MAMDC2: variants seen among roughly 807,000 people sequenced by gnomAD.
MAMDC2 encodes MAM domain containing 2.
A neutral mutation model predicts 89.8 loss-of-function variants in MAMDC2; 57 were observed. The ratio of observed to expected loss-of-function variants is 0.63; its 90% CI spans 0.51 to 0.79. The LOEUF is 0.79. Ranked by LOEUF, MAMDC2 falls within the 30% of genes least tolerant of loss-of-function variation. The pLI is 0.00. For synonymous variants in MAMDC2, 313 were observed against 293.4 expected (o/e 1.07, Z -0.68); for missense variants, 800 against 820.6 (o/e 0.97, Z 0.31).
intron 2 of MAMDC2, among the ~76,000 whole-genome samples, chr9:70,099,694 G>A (rs1385954392): frequency 6.6e-6 from 1 of 152,118 alleles, no homozygotes; most frequent in Non-Finnish European, 1.5e-5. Context: ...GGTAGGGCAG[G>A]CCAGGCGCGG....
rs144651814 is a variant in MAMDC2 at position 70,224,901 on chromosome 9, T to C, written c.1912-849T>C. ...ATTTCAAGATAACTTTATAAACATA[T>C]TATTTAATTTATATTCTTTAATTTT... On this transcript the variant is annotated intron_variant, in intron 12 of 13. Transcript: ENST00000377182. Among the ~76,000 whole-genome samples, 15 of 152,326 alleles carry C rather than the reference T, an allele frequency of 9.8e-5. No individual in the cohort carries two copies. The East Asian group carries it at 2.9e-3, about 29-fold the overall frequency.
intron 5 of MAMDC2, among the ~76,000 whole-genome samples, chr9:70,123,403 G>C (rs892764871): frequency 1.3e-5 from 2 of 152,156 alleles, no homozygotes; most frequent in African/African-American, 4.8e-5. Context: ...CTCCATATCA[G>C]AGGTTCTTTG....
chr9:70,066,502 G>T (rs1827268319), intron 2 of MAMDC2, among the ~76,000 whole-genome samples: 1 of 152,108 alleles, frequency 6.6e-6, no homozygotes, highest in Non-Finnish European at 1.5e-5. Context: ...AGTATACTGT[G>T]CAAGGGCGAA....
intron 2 of MAMDC2, among the ~76,000 whole-genome samples, chr9:70,046,520 G>C (rs1001392209): frequency 2.0e-5 from 3 of 152,220 alleles, no homozygotes; most frequent in East Asian, 1.9e-4. Flanking sequence ...CCCTCTGTCA[G>C]GATGGGGGCC....
At chr9:70,144,371 A>G (rs1204965950) in intron 9 of MAMDC2, among the ~76,000 whole-genome samples, 1 of 152,222 alleles carries the variant, frequency 6.6e-6, no homozygotes, top group Non-Finnish European at 1.5e-5. Context: ...TCAGCATCTG[A>G]TTTTGATATA....
At position 70,143,746 on chromosome 9, in the gene MAMDC2, G is replaced by A; in HGVS notation, c.1331G>A (p.Trp444Ter). The A allele has an allele frequency of 1.2e-6, 2 of 1,614,144 alleles. No individual in the cohort carries two copies. The highest frequency in any genetic ancestry group is 2.2e-5 in the East Asian group (1 of 44,868). Residue 444 changes from tryptophan to a stop codon, truncating the protein, a stop_gained, in exon 9 of 14, where the codon TGG becomes TAG. Coordinates refer to ENST00000377182, the MANE Select transcript of MAMDC2 (RefSeq NM_153267.5). LOFTEE classifies it high-confidence loss of function. ...AACCATGTGGTTCAAGAGAAGATCT[G>A]GTCTGTGTTGGAGTCCCCAAGGGGT... ...EENHVVQEKI[W>*]SVLESPRGVW...
chr9:70,103,620 A>C (rs941455714), intron 2 of MAMDC2, among the ~76,000 whole-genome samples: 1 of 152,070 alleles, frequency 6.6e-6, no homozygotes, highest in Non-Finnish European at 1.5e-5. Flanking sequence ...GAAAAAAAAA[A>C]ACTAAAAATA....
At chr9:70,182,089 CT>C (rs2032657245) in intron 11 of MAMDC2, among the ~76,000 whole-genome samples, 1 of 152,080 alleles carries the variant, frequency 6.6e-6, no homozygotes, top group East Asian at 1.9e-4. Context: ...TATCGAAGGC[CT>C]TTTCTGCATC....
At chr9:70,170,700 T>G in intron 11 of MAMDC2, 69 bp downstream of exon 11, 1 of 1,445,384 alleles carries the variant, frequency 6.9e-7, no homozygotes, top group Non-Finnish European at 9.2e-7. Flanking sequence ...AATCGTTTAC[T>G]GCATTTTGAA....
chr9:70,057,446 T>C (rs1827047411), intron 2 of MAMDC2, among the ~76,000 whole-genome samples: 1 of 152,184 alleles, frequency 6.6e-6, no homozygotes. Flanking sequence ...CTCAAGCTTC[T>C]TGTCTCTCCA....
intron 7 of MAMDC2, among the ~76,000 whole-genome samples, chr9:70,132,183 T>C (rs1354136282): frequency 1.3e-5 from 2 of 152,222 alleles, no homozygotes; most frequent in Non-Finnish European, 2.9e-5. Context: ...TGAGATTTCA[T>C]AAATTTGATG....
intron 11 of MAMDC2, among the ~76,000 whole-genome samples, chr9:70,210,832 C>G (rs118134089): frequency 0.069 from 10,482 of 152,140 alleles, 576 homozygotes; most frequent in East Asian, 0.22. Flanking sequence ...CTGGTAGTGA[C>G]AAAACCTCTC....
chr9:70,147,623 C>T (rs1296406311), intron 9 of MAMDC2, among the ~76,000 whole-genome samples: 1 of 150,210 alleles, frequency 6.7e-6, no homozygotes, highest in African/African-American at 2.5e-5. Flanking sequence ...CCCCCGACCC[C>T]GCATTTCCCT....
intron 5 of MAMDC2, among the ~76,000 whole-genome samples, chr9:70,120,462 T>TCC (rs763191476): frequency 6.6e-6 from 1 of 152,060 alleles, no homozygotes; most frequent in Non-Finnish European, 1.5e-5. Context: ...AGGGAAGCAA[T>TCC]CCCCTTGCCT....
intron 2 of MAMDC2, among the ~76,000 whole-genome samples, chr9:70,100,667 G>A (rs1828165311): frequency 6.6e-6 from 1 of 152,206 alleles, no homozygotes; most frequent in South Asian, 2.1e-4. Context: ...AACCAGAGGA[G>A]CTTAGCTGTG....
At chr9:70,047,972 C>T (rs1317946479) in intron 2 of MAMDC2, among the ~76,000 whole-genome samples, 1 of 152,184 alleles carries the variant, frequency 6.6e-6, no homozygotes, top group Non-Finnish European at 1.5e-5. Context: ...CTCCACTGGA[C>T]ACAGAATAGG....
chr9:70,092,327 C>T (rs1240559409), intron 2 of MAMDC2: 1 of 152,188 alleles, frequency 6.6e-6, no homozygotes, highest in African/African-American at 2.4e-5. Flanking sequence ...TTGAGAACAG[C>T]TGGATTAGAA....
intron 11 of MAMDC2, among the ~76,000 whole-genome samples, chr9:70,211,279 G>T (rs2033349179): frequency 1.3e-5 from 2 of 152,084 alleles, no homozygotes; most frequent in South Asian, 4.2e-4. Flanking sequence ...ATGTAGATTT[G>T]GTCTTTTGAC....
At chr9:70,196,903 G>A (rs1450875988) in intron 11 of MAMDC2, among the ~76,000 whole-genome samples, 1 of 152,024 alleles carries the variant, frequency 6.6e-6, no homozygotes, top group Non-Finnish European at 1.5e-5. Flanking sequence ...AAGCATGGGT[G>A]ACAGTCATCT....
Sources: allele counts gnomAD v4.1 joint callset (sites outside exome capture counted in the v4.1 genomes callset), GRCh38; gene constraint gnomAD v4.1.1; transcripts MANE v1.5; gene names NCBI Gene and HGNC (gene_info 2026-07-23, HGNC 2026-07-21).